Variants in KCNIP1 observed in about 807,000 individuals in gnomAD.
The protein encoded by KCNIP1 is potassium voltage-gated channel interacting protein 1.
KCNIP1 carries 18 observed loss-of-function variants against 33.0 expected under a neutral mutation model. That is an observed-to-expected ratio of 0.55 (90% CI 0.38 to 0.81). The LOEUF (loss-of-function observed/expected upper bound fraction) is 0.81. Among genes scored for constraint, KCNIP1 ranks in the 30% least tolerant of loss-of-function variants. The pLI is 0.00. For missense variants in KCNIP1, 238 were observed against 271.6 expected, an observed-to-expected ratio of 0.88 and a Z score of 0.87; for synonymous variants, 93 against 98.3, an observed-to-expected ratio of 0.95 and a Z score of 0.32.
chr5:170,450,826 C>T (rs1027609274), intron 1 of KCNIP1, among the ~76,000 whole-genome samples: 3 of 152,134 alleles, frequency 2.0e-5, no homozygotes, highest in Non-Finnish European at 4.4e-5. Context: ...GCAAGCTGAG[C>T]GCTCATCACA....
intron 1 of KCNIP1, among the ~76,000 whole-genome samples, chr5:170,354,790 G>A (rs887420899): frequency 6.6e-6 from 1 of 152,228 alleles, no homozygotes; most frequent in African/African-American, 2.4e-5. Flanking sequence ...CCTCAGAGGG[G>A]TCTGGCCAAC....
chr5:170,608,809 C>G (rs1027564072), intron 1 of KCNIP1, among the ~76,000 whole-genome samples: 4 of 151,950 alleles, frequency 2.6e-5, no homozygotes, highest in African/African-American at 9.7e-5. Context: ...TGGGAAAACC[C>G]TTTGCTCAGA....
intron 1 of KCNIP1, among the ~76,000 whole-genome samples, chr5:170,702,872 A>G (rs1472266239): frequency 6.6e-6 from 1 of 150,564 alleles, no homozygotes; most frequent in African/African-American, 2.4e-5. Context: ...AGCAAAGTAC[A>G]TGTCACAGTG....
chr5:170,616,322 CA>C (rs869160569), intron 1 of KCNIP1, among the ~76,000 whole-genome samples: 2 of 188 alleles, frequency 0.011, no homozygotes, highest in Admixed American at 0.071. Context: ...GGGCCAGGCA[CA>C]CTGAGGTGGG....
chr5:170,432,934 G>A (rs186914120), intron 1 of KCNIP1, among the ~76,000 whole-genome samples: 12 of 143,066 alleles, frequency 8.4e-5, no homozygotes, highest in Admixed American at 4.0e-4. Flanking sequence ...CAAAGGAAGT[G>A]GGGCCTGGTC....
chr5:170,521,002 T>C (rs965560307), intron 1 of KCNIP1, among the ~76,000 whole-genome samples: 3 of 152,234 alleles, frequency 2.0e-5, no homozygotes, highest in African/African-American at 7.2e-5. Context: ...TGAGAAGGTA[T>C]ATGTGAAATG....
At chr5:170,392,871 C>T (rs1754643754) in intron 1 of KCNIP1, among the ~76,000 whole-genome samples, 1 of 152,178 alleles carries the variant, frequency 6.6e-6, no homozygotes. Context: ...TCTTAGGTCA[C>T]ACACTATGGC....
chr5:170,467,227 GT>G (rs1463620764), intron 1 of KCNIP1, among the ~76,000 whole-genome samples: 1 of 152,180 alleles, frequency 6.6e-6, no homozygotes, highest in East Asian at 1.9e-4. Flanking sequence ...GACTAATACA[GT>G]GCAGAGGTCG....
chr5:170,416,786 C>T (rs1468968637), intron 1 of KCNIP1, among the ~76,000 whole-genome samples: 1 of 152,122 alleles, frequency 6.6e-6, no homozygotes, highest in Non-Finnish European at 1.5e-5. Flanking sequence ...AACAACAACC[C>T]TGTAAGGTGC....
intron 1 of KCNIP1, among the ~76,000 whole-genome samples, chr5:170,423,413 C>G (rs906802001): frequency 1.3e-4 from 20 of 152,038 alleles, no homozygotes; most frequent in Non-Finnish European, 1.9e-4. Flanking sequence ...CAATAAAACC[C>G]CCTTGTGTAC....
At chr5:170,385,548 G>A in intron 1 of KCNIP1, 2 of 1,318,256 alleles carry the variant, frequency 1.5e-6, no homozygotes, top group Non-Finnish European at 2.2e-6. Flanking sequence ...ACAGGTGAGA[G>A]GGGAAGGTAC....
intron 1 of KCNIP1, among the ~76,000 whole-genome samples, chr5:170,556,460 G>A (rs1468930153): frequency 6.6e-6 from 1 of 152,222 alleles, no homozygotes; most frequent in African/African-American, 2.4e-5. Context: ...ACCTTTAGGT[G>A]TTGTCTGCAT....
intron 1 of KCNIP1, among the ~76,000 whole-genome samples, chr5:170,679,777 T>G (rs1442355773): frequency 2.6e-5 from 4 of 151,968 alleles, no homozygotes; most frequent in African/African-American, 9.7e-5. Context: ...AAAAGATACA[T>G]GGATGTGCCA....
intron 1 of KCNIP1, among the ~76,000 whole-genome samples, chr5:170,524,017 G>C (rs1314466947): frequency 6.6e-6 from 1 of 152,084 alleles, no homozygotes; most frequent in East Asian, 1.9e-4. Flanking sequence ...CAGTCCTCCG[G>C]CACAGCCCAG....
intron 1 of KCNIP1, among the ~76,000 whole-genome samples, chr5:170,634,996 T>C (rs1376971154): frequency 3.3e-5 from 5 of 152,218 alleles, no homozygotes; most frequent in Non-Finnish European, 7.3e-5. Flanking sequence ...CTTGCTTCCA[T>C]ATATAAATGT....
chr5:170,439,352 T>TGGCAGGCA (rs1202849426), intron 1 of KCNIP1, among the ~76,000 whole-genome samples: 1 of 152,232 alleles, frequency 6.6e-6, no homozygotes, highest in Non-Finnish European at 1.5e-5. Context: ...GCAGGCAACC[T>TGGCAGGCA]GGCAGGCAGG....
At chr5:170,402,424 C>T (rs560707752) in intron 1 of KCNIP1, among the ~76,000 whole-genome samples, 4 of 152,212 alleles carry the variant, frequency 2.6e-5, no homozygotes, top group African/African-American at 9.6e-5. Flanking sequence ...GCATTTCTAA[C>T]TCGTGGGAAG....
At position 170,718,774 on chromosome 5, in the gene KCNIP1, G is replaced by A. The variant is rs1319672812; in HGVS notation, c.78G>A (p.Glu26=). 2 of 1,613,414 alleles carry A rather than the reference G, an allele frequency of 1.2e-6. No individual in the cohort carries two copies. The change falls in exon 2 of 8, where the codon GAG becomes GAA. Residue 26 remains glutamate (E), a synonymous_variant. Transcript: ENST00000328939. ...TGGTTCCAGATAAGATTGAAGATGAGCTGGAGATGACCATGGTTTGCCATC... is the reference window on the plus strand; with the variant it reads ...TGGTTCCAGATAAGATTGAAGATGAACTGGAGATGACCATGGTTTGCCATC... ...RRPSKDKIED[E]LEMTMVCHRP... is the part of the protein sequence containing the mutation.
intron 1 of KCNIP1, among the ~76,000 whole-genome samples, chr5:170,422,996 G>A (rs906582537): frequency 2.0e-4 from 31 of 152,176 alleles, no homozygotes; most frequent in Non-Finnish European, 1.9e-4. Context: ...TGAGGTGGGA[G>A]GACTGCTTGA....
Sources: gnomAD v4.1 joint callset for allele counts (sites outside exome capture counted in the v4.1 genomes callset) on GRCh38, gnomAD v4.1.1 for gene constraint, MANE v1.5 for transcripts, NCBI Gene and HGNC (gene_info 2026-07-23, HGNC 2026-07-21) for gene names.